Variants in TMEM38B observed in about 807,000 individuals in gnomAD.
TMEM38B encodes the protein trimeric intracellular cation channel type B.
Under a neutral mutation model 28.7 loss-of-function variants are expected in TMEM38B, and 24 were observed. The ratio of observed to expected loss-of-function variants is 0.84; its 90% CI spans 0.61 to 1.18. The LOEUF is 1.18. Ranked by LOEUF, TMEM38B falls within the 50% of genes most tolerant of loss-of-function variation. The probability of loss-of-function intolerance (pLI) is 0.00; values close to 1 mark genes in which losing one functional copy is unlikely to be tolerated. For missense variants in TMEM38B, 380 were observed against 350.9 expected, an observed-to-expected ratio of 1.08 and a Z score of -0.66; for synonymous variants, 131 against 127.7, an observed-to-expected ratio of 1.03 and a Z score of -0.17.
chr9:105,719,690 C>T (rs1836251868), intron 2 of TMEM38B, among the ~76,000 whole-genome samples: 1 of 152,062 alleles, frequency 6.6e-6, no homozygotes, highest in Non-Finnish European at 1.5e-5. Context: ...TTTTTAATGT[C>T]TTATACTATA....
At chr9:105,716,843 T>G in intron 2 of TMEM38B, among the ~76,000 whole-genome samples, 1 of 152,132 alleles carries the variant, frequency 6.6e-6, no homozygotes, top group East Asian at 1.9e-4. Flanking sequence ...TAAGAATACA[T>G]CAGGGACAGG....
At position 105,722,108 on chromosome 9, in the gene TMEM38B, A is replaced by G. The variant is rs181872771; in HGVS notation, c.454+387A>G. Among the ~76,000 whole-genome samples the G allele has an allele frequency of 1.4e-4, 22 of 152,336 alleles. No homozygotes were observed. In the East Asian group the frequency reaches 3.5e-3, roughly 24 times the overall value. On this transcript the variant is annotated intron_variant, in intron 3 of 5. Transcript: ENST00000374692. ...TTTTTTTCATTCAGAATTACTAGAA[A>G]TAATAAATATGATTGACTATGGGTT...
intron 4 of TMEM38B, among the ~76,000 whole-genome samples, chr9:105,746,735 ATT>A (rs1272967604): frequency 6.6e-6 from 1 of 152,146 alleles, no homozygotes. Flanking sequence ...AGCTCTTATT[ATT>A]TTGAGATGCG....
chr9:105,731,833 C>T (rs1029642463), intron 4 of TMEM38B, among the ~76,000 whole-genome samples: 7 of 152,048 alleles, frequency 4.6e-5, no homozygotes, highest in South Asian at 4.1e-4. Context: ...GTAATGGGAT[C>T]GCTGGGTTAA....
rs773070561 is a variant in TMEM38B, at chr9:105,774,131, G to T, written c.*51G>T. ...CAAAAATTTTTTTTCTTATCTACCT[G>T]TTATATTGTGCTAATTTTTCTATGT... On this transcript the variant is annotated 3_prime_UTR_variant, in exon 6 of 6. Transcript: ENST00000374692. 1.0e-4 allele frequency: 146 copies of T among 1,453,068 alleles called. No individual in the cohort carries two copies. The highest frequency in any genetic ancestry group is 8.1e-5 in the Non-Finnish European group (86 of 1,058,348). 90.0% of individuals were successfully genotyped at this position (1,453,068 alleles called of 1,614,324 possible).
At chr9:105,750,172 C>T (rs1360300420) in intron 5 of TMEM38B, among the ~76,000 whole-genome samples, 1 of 152,118 alleles carries the variant, frequency 6.6e-6, no homozygotes, top group East Asian at 1.9e-4. Context: ...ATCATTTGCC[C>T]ATTTTCAATT....
At chr9:105,767,441 A>T (rs1268647296) in intron 5 of TMEM38B, among the ~76,000 whole-genome samples, 1 of 152,174 alleles carries the variant, frequency 6.6e-6, no homozygotes, top group Non-Finnish European at 1.5e-5. Context: ...ATATTTCTAA[A>T]TAAGTTTTAT....
intron 4 of TMEM38B, among the ~76,000 whole-genome samples, chr9:105,735,626 G>A (rs530423355): frequency 2.0e-5 from 3 of 152,168 alleles, no homozygotes; most frequent in Non-Finnish European, 4.4e-5. Flanking sequence ...CTCTTGGCCT[G>A]TAAGATTTCT....
In TMEM38B at chr9:105,747,769, A is replaced by G. The variant is rs148135434; in HGVS notation, c.543-304A>G. Among the ~76,000 whole-genome samples the G allele has an allele frequency of 9.6e-3, 1,453 of 152,098 alleles. 10 individuals carry two copies. The highest frequency in any genetic ancestry group is 0.017 in the South Asian group (84 of 4,804). On this transcript the variant is annotated intron_variant, in intron 4 of 5. Transcript: ENST00000374692. ...TTACATGTGTCCCAGAGATTCTGGTATGTTGTGTCGTTGTTCTCGTTGGTT... is the reference window on the plus strand; with the variant it reads ...TTACATGTGTCCCAGAGATTCTGGTGTGTTGTGTCGTTGTTCTCGTTGGTT...
chr9:105,711,899 C>T (rs1007966334), intron 2 of TMEM38B, among the ~76,000 whole-genome samples: 3 of 151,694 alleles, frequency 2.0e-5, no homozygotes, highest in African/African-American at 4.8e-5. Flanking sequence ...TTTTGTGTGT[C>T]CCATTCCAAT....
At chr9:105,723,990 C>T (rs1836420043) in intron 4 of TMEM38B, among the ~76,000 whole-genome samples, 1 of 152,130 alleles carries the variant, frequency 6.6e-6, no homozygotes, top group Non-Finnish European at 1.5e-5. Flanking sequence ...CGTGTGCCAC[C>T]ATGCCCAGCT....
At position 105,765,693 on chromosome 9, in the gene TMEM38B, G is replaced by A. The variant is rs76693144; in HGVS notation, c.661-8172G>A. ...TGTTTTTCCAGTTATCTGTTGATGG[G>A]TTTTGGTGTATTTCCAGCTTTTGAT... On this transcript the variant is annotated intron_variant, in intron 5 of 5. Coordinates refer to ENST00000374692, the MANE Select transcript of TMEM38B (RefSeq NM_018112.3). Among the ~76,000 whole-genome samples, 7 of 152,234 alleles carry A rather than the reference G, an allele frequency of 4.6e-5. No individual in the cohort carries two copies. In the East Asian group the frequency reaches 5.8e-4, roughly 13 times the overall value.
intron 5 of TMEM38B, among the ~76,000 whole-genome samples, chr9:105,755,184 A>T (rs1837793108): frequency 6.6e-6 from 1 of 152,226 alleles, no homozygotes; most frequent in Admixed American, 6.5e-5. Context: ...GACCAGATGG[A>T]TTCACAGCTG....
intron 5 of TMEM38B, among the ~76,000 whole-genome samples, chr9:105,756,475 G>A (rs927021913): frequency 6.6e-6 from 1 of 152,106 alleles, no homozygotes; most frequent in Non-Finnish European, 1.5e-5. Context: ...CTGAATGGGT[G>A]GGAGCTGTAT....
At chr9:105,709,941 A>G (rs528283893) in intron 2 of TMEM38B, among the ~76,000 whole-genome samples, 4 of 152,308 alleles carry the variant, frequency 2.6e-5, no homozygotes, top group Admixed American at 1.3e-4. Context: ...TGATATTCAG[A>G]CATCCTAGTT....
chr9:105,766,814 A>G (rs1288421528), intron 5 of TMEM38B, among the ~76,000 whole-genome samples: 1 of 151,826 alleles, frequency 6.6e-6, no homozygotes, highest in African/African-American at 2.4e-5. Flanking sequence ...ATATGTATAC[A>G]TGTGCCATGT....
intron 4 of TMEM38B, among the ~76,000 whole-genome samples, chr9:105,728,295 A>G (rs1372553769): frequency 7.6e-6 from 1 of 131,700 alleles, no homozygotes; most frequent in African/African-American, 2.9e-5. Context: ...CTCTGTGTCC[A>G]TGTGTTCTCA....
At chr9:105,695,133 T>C (rs370864914) in intron 1 of TMEM38B, among the ~76,000 whole-genome samples, 1 of 144,776 alleles carries the variant, frequency 6.9e-6, no homozygotes, top group South Asian at 2.1e-4. Flanking sequence ...GCCCAGGGCT[T>C]GGGCGGCCTC....
At position 105,742,835 on chromosome 9, in the gene TMEM38B, T is replaced by TAA. The variant is rs1480022292; in HGVS notation, c.543-5238_543-5237insAA. Among the ~76,000 whole-genome samples, 172 of 152,354 alleles carry TAA rather than the reference T, an allele frequency of 1.1e-3. 8 individuals are homozygous for TAA. The South Asian group carries it at 0.035, about 31-fold the overall frequency. ...GATATAATTCCATGTTTTTATCTTA[T>TAA]CCTTTTAAATTTTTAATTTTGTGTA... On this transcript the variant is annotated intron_variant, in intron 4 of 5. Transcript: ENST00000374692.
Sources: allele counts gnomAD v4.1 joint callset (sites outside exome capture counted in the v4.1 genomes callset), GRCh38; gene constraint gnomAD v4.1.1; transcripts MANE v1.5; gene names NCBI Gene and HGNC (gene_info 2026-07-23, HGNC 2026-07-21).